The following SLC7A11 variants were observed in gnomAD, a reference collection of about 807,000 sequenced individuals.
SLC7A11 encodes the protein cystine/glutamate transporter.
Under a neutral mutation model 54.5 loss-of-function variants are expected in SLC7A11, and 35 were observed. The observed-to-expected ratio is 0.64, with a 90% CI of 0.49 to 0.85. The LOEUF (loss-of-function observed/expected upper bound fraction) is 0.85. Ranked by LOEUF, SLC7A11 falls within the 40% of genes least tolerant of loss-of-function variation. SLC7A11 has a pLI of 0.00. For synonymous variants in SLC7A11, 230 were observed against 225.2 expected, an observed-to-expected ratio of 1.02 and a Z score of -0.19; for missense variants, 583 against 618.1, an observed-to-expected ratio of 0.94 and a Z score of 0.60.
At chr4:138,186,791 G>C (rs544436444) in intron 6 of SLC7A11, among the ~76,000 whole-genome samples, 1 of 152,164 alleles carries the variant, frequency 6.6e-6, no homozygotes, top group South Asian at 2.1e-4. Context: ...AAATGCAAAA[G>C]GGTAAGAAGG....
rs1350585935 is a variant in SLC7A11 at position 138,179,256 on chromosome 4, T to C, written c.1405A>G (p.Ile469Val). The C allele has an allele frequency of 1.9e-6, 3 of 1,612,136 alleles. No individual in the cohort carries two copies. The highest frequency in any genetic ancestry group is 2.5e-6 in the Non-Finnish European group (3 of 1,178,558). ...TGVPAYYLFI[I>V]WDKKPRWFRI... The stretch of plus-strand genomic sequence containing the variant: ...AACCACCTGGGTTTCTTGTCCCATA[T>C]AATAAAGAGATAATACGCAGGGACT... The change falls in exon 11 of 12, where the codon ATA becomes GTA. Residue 469 changes from isoleucine (I) to valine (V), a missense_variant. By Grantham distance (29) the Ile-to-Val change is conservative (BLOSUM62 3). Coordinates refer to ENST00000280612, the MANE Select transcript of SLC7A11 (RefSeq NM_014331.4).
chr4:138,193,201 A>C (rs574081873), intron 6 of SLC7A11, among the ~76,000 whole-genome samples: 26 of 152,276 alleles, frequency 1.7e-4, no homozygotes, highest in Admixed American at 6.5e-4. Flanking sequence ...TTTCTGACCA[A>C]AAAAGGCAAG....
At chr4:138,214,370 A>G (rs1171262983) in intron 6 of SLC7A11, among the ~76,000 whole-genome samples, 1 of 151,368 alleles carries the variant, frequency 6.6e-6, no homozygotes, top group African/African-American at 2.4e-5. Context: ...TGTAGACTAT[A>G]TAATTAAGCT....
rs1266957020 is a variant in SLC7A11 at position 138,170,230 on chromosome 4, A to ATATATATATATATATATATATATAT, written c.*1725_*1726insATATATATATATATATATATATATA. 3.5e-4 allele frequency: 34 copies of ATATATATATATATATATATATATAT among 98,240 alleles called. No homozygotes were observed. Among genetic ancestry groups the ATATATATATATATATATATATATAT allele is most frequent in the Non-Finnish European group, 5.0e-4 (25 of 49,738 alleles). 6.1% of individuals were successfully genotyped at this position (98,240 alleles called of 1,614,324 possible). A position where few individuals can be genotyped will look rare whatever the true frequency, so the allele number is the denominator to read the frequency against. ...CTATATATATATATATATATATATA[A>ATATATATATATATATATATATATAT]AAAGTGTGTGTGTGTGTGTGTATAT... On this transcript the variant is annotated 3_prime_UTR_variant, in exon 12 of 12. Transcript: ENST00000280612.
intron 6 of SLC7A11, among the ~76,000 whole-genome samples, chr4:138,186,360 G>C (rs760969502): frequency 1.3e-5 from 2 of 152,112 alleles, no homozygotes; most frequent in Non-Finnish European, 2.9e-5. Flanking sequence ...GGGGGGAAAA[G>C]GCACAGCCTG....
At chr4:138,190,361 A>G (rs796934307) in intron 6 of SLC7A11, among the ~76,000 whole-genome samples, 6 of 152,288 alleles carry the variant, frequency 3.9e-5, no homozygotes, top group African/African-American at 1.2e-4. Context: ...TACAATTGAC[A>G]TGGAGCTGTA....
chr4:138,223,903 CA>C (rs1242077266), intron 3 of SLC7A11, among the ~76,000 whole-genome samples: 3 of 152,134 alleles, frequency 2.0e-5, no homozygotes, highest in African/African-American at 7.2e-5. Context: ...TATAGTTTTT[CA>C]AGATATGTTT....
At chr4:138,211,895 T>C (rs190765803) in intron 6 of SLC7A11, among the ~76,000 whole-genome samples, 3 of 151,988 alleles carry the variant, frequency 2.0e-5, no homozygotes, top group Admixed American at 2.0e-4. Flanking sequence ...AAGGAGAAAG[T>C]AATGAAGATA....
intron 6 of SLC7A11, among the ~76,000 whole-genome samples, chr4:138,201,153 A>G (rs1414525036): frequency 3.3e-5 from 5 of 152,110 alleles, no homozygotes; most frequent in Non-Finnish European, 5.9e-5. Flanking sequence ...TTTGTGTTAT[A>G]TGGCTATGTA....
At chr4:138,204,156 T>C (rs1737352585) in intron 6 of SLC7A11, among the ~76,000 whole-genome samples, 1 of 152,096 alleles carries the variant, frequency 6.6e-6, no homozygotes, top group Admixed American at 6.6e-5. Flanking sequence ...ATCAGCTTTG[T>C]TTTCCCAAAA....
Position 138,233,208 on chromosome 4 carries a change from G to A in SLC7A11, c.405-826C>T, listed in dbSNP as rs1330436060. Among the ~76,000 whole-genome samples, 5 of 137,326 alleles carry A rather than the reference G, an allele frequency of 3.6e-5. No homozygotes were observed. The East Asian group carries it at 9.0e-4, about 25-fold the overall frequency. 90.1% of individuals were successfully genotyped at this position (137,326 alleles called of 152,430 possible). On this transcript the variant is annotated intron_variant, in intron 2 of 11. Transcript: ENST00000280612. ...AATTTCTTTTTTTTTTTTTTGAAAT[G>A]GAGTCTCACTCTGTCCCCCAGGCTG...
In SLC7A11 at chr4:138,171,914, G is replaced by A; in HGVS notation, c.*42C>T. 6.4e-7 allele frequency: 1 copy of A among 1,554,238 alleles called. No individual in the cohort carries two copies. Among genetic ancestry groups the A allele is most frequent in the Non-Finnish European group, 8.6e-7 (1 of 1,160,718 alleles). ...AATGAAGTAAAAATCCCTATTTTGT[G>A]TCTCCCCTTGGGCAGATTGCCAAGA... On this transcript the variant is annotated 3_prime_UTR_variant, in exon 12 of 12. Transcript: ENST00000280612.
At chr4:138,213,261 TTTAAA>T (rs557226484) in intron 6 of SLC7A11, among the ~76,000 whole-genome samples, 371 of 152,098 alleles carry the variant, frequency 2.4e-3, no homozygotes, top group African/African-American at 8.4e-3. Flanking sequence ...CTTTCACATG[TTTAAA>T]TTACATATTG....
At chr4:138,238,326 T>C (rs1466515726) in intron 1 of SLC7A11, among the ~76,000 whole-genome samples, 2 of 151,968 alleles carry the variant, frequency 1.3e-5, no homozygotes, top group Non-Finnish European at 2.9e-5. Context: ...GCTATACTTA[T>C]TAATTTGAGT....
At chr4:138,215,254 T>C (rs1222511888) in intron 5 of SLC7A11, among the ~76,000 whole-genome samples, 1 of 152,154 alleles carries the variant, frequency 6.6e-6, no homozygotes, top group Non-Finnish European at 1.5e-5. Context: ...AAAAATCATA[T>C]ATTCAATATA....
chr4:138,204,863 G>C (rs1264456452), intron 6 of SLC7A11, among the ~76,000 whole-genome samples: 1 of 151,870 alleles, frequency 6.6e-6, no homozygotes, highest in Non-Finnish European at 1.5e-5. Flanking sequence ...CTAATAATTG[G>C]GCACTTTGCT....
chr4:138,190,604 T>C, intron 6 of SLC7A11, among the ~76,000 whole-genome samples: 1 of 152,156 alleles, frequency 6.6e-6, no homozygotes, highest in East Asian at 1.9e-4. Flanking sequence ...AGCTGTTAAT[T>C]TTATTCTACC....
At chr4:138,176,807 C>A (rs1186317718) in intron 11 of SLC7A11, 3 of 152,138 alleles carry the variant, frequency 2.0e-5, no homozygotes. Flanking sequence ...GAGTGCTAAT[C>A]TATCCTAAAT....
At chr4:138,220,429 C>T (rs1341986730) in intron 4 of SLC7A11, among the ~76,000 whole-genome samples, 1 of 151,430 alleles carries the variant, frequency 6.6e-6, no homozygotes, top group Non-Finnish European at 1.5e-5. Context: ...TCCACTCACT[C>T]TGTGACCCTG....
Sources: gnomAD v4.1 joint callset for allele counts (sites outside exome capture counted in the v4.1 genomes callset) on GRCh38, gnomAD v4.1.1 for gene constraint, MANE v1.5 for transcripts, NCBI Gene and HGNC (gene_info 2026-07-23, HGNC 2026-07-21) for gene names.